The following CNGA3 variants were observed in gnomAD, a reference collection of about 807,000 sequenced individuals.
The protein encoded by CNGA3 is cyclic nucleotide gated channel subunit alpha 3.
CNGA3 carries 42 observed loss-of-function variants against 46.6 expected under a neutral mutation model. The ratio of observed to expected loss-of-function variants is 0.90; its 90% CI spans 0.70 to 1.17. The LOEUF (loss-of-function observed/expected upper bound fraction) is 1.17. Among genes scored for constraint, CNGA3 ranks in the 50% most tolerant of loss-of-function variants. CNGA3 has a pLI of 0.00. For synonymous variants in CNGA3, 394 were observed against 369.4 expected, an observed-to-expected ratio of 1.07 and a Z score of -0.76; for missense variants, 893 against 890.7, an observed-to-expected ratio of 1.00 and a Z score of -0.03.
At chr2:98,349,013 G>A (rs1221262519) in intron 1 of CNGA3, among the ~76,000 whole-genome samples, 1 of 152,182 alleles carries the variant, frequency 6.6e-6, no homozygotes, top group Non-Finnish European at 1.5e-5. Context: ...ATCTCTCTAG[G>A]CAGAAGCAAG....
At position 98,396,784 on chromosome 2, in the gene CNGA3, C is replaced by A. The variant is rs762984332; in HGVS notation, c.1614C>A (p.Phe538Leu). ...TGGCTGATGATGGGGTCACCCAGTT[C>A]GTGGTCCTCAGCGATGGCAGCTACT... Reference protein sequence around the residue: ...AVVADDGVTQFVVLSDGSYFG... With the variant: ...AVVADDGVTQLVVLSDGSYFG... Residue 538 changes from phenylalanine (F) to leucine (L), a missense_variant, in exon 8 of 8, where the codon TTC becomes TTA. Phe to Leu is a conservative substitution (Grantham distance 22). Coordinates refer to ENST00000272602, the MANE Select transcript of CNGA3 (RefSeq NM_001298.3). 2 of 1,614,178 alleles carry A rather than the reference C, an allele frequency of 1.2e-6. No individual in the cohort carries two copies. The highest frequency in any genetic ancestry group is 1.6e-4 in the Middle Eastern group (1 of 6,062).
At chr2:98,370,133 G>A (rs1692253410) in intron 2 of CNGA3, 57 bp downstream of exon 2, 3 of 1,382,784 alleles carry the variant, frequency 2.2e-6, no homozygotes, top group Admixed American at 1.8e-5. Flanking sequence ...CATTTCCACA[G>A]CTGATCTAGA....
intron 5 of CNGA3, among the ~76,000 whole-genome samples, chr2:98,385,301 C>G (rs1482820270): frequency 6.6e-6 from 1 of 152,202 alleles, no homozygotes; most frequent in Non-Finnish European, 1.5e-5. Flanking sequence ...TGAAAAGAGA[C>G]CAGGGTTCAC....
intron 1 of CNGA3, among the ~76,000 whole-genome samples, chr2:98,347,891 A>AG (rs2106064193): frequency 6.6e-6 from 1 of 152,310 alleles, no homozygotes; most frequent in East Asian, 1.9e-4. Context: ...AAAACCAGCA[A>AG]GAATAGTGCT....
At position 98,377,817 on chromosome 2, in the gene CNGA3, A is replaced by G; in HGVS notation, c.215+17A>G. The G allele has an allele frequency of 6.2e-7, 1 of 1,601,684 alleles. No homozygotes were observed. The highest frequency in any genetic ancestry group is 8.5e-7 in the Non-Finnish European group (1 of 1,173,670). On this transcript the variant is annotated intron_variant, in intron 3 of 7. Transcript: ENST00000272602. ...GATCGCCAGGTAACTGACCAGCCTC[A>G]GTCCCTACCTTGGCCTGGGGGACAC...
intron 7 of CNGA3, among the ~76,000 whole-genome samples, chr2:98,394,057 C>T (rs1202308268): frequency 6.6e-6 from 1 of 151,752 alleles, no homozygotes; most frequent in Non-Finnish European, 1.5e-5. Flanking sequence ...CTGGAACTTG[C>T]TAGACTTGCC....
At chr2:98,349,111 G>C (rs575208042) in intron 1 of CNGA3, among the ~76,000 whole-genome samples, 1 of 152,176 alleles carries the variant, frequency 6.6e-6, no homozygotes, top group Non-Finnish European at 1.5e-5. Flanking sequence ...CTTTGCTTAT[G>C]CAATGTCTGA....
intron 7 of CNGA3, among the ~76,000 whole-genome samples, chr2:98,393,332 T>C (rs1379332693): frequency 6.6e-6 from 1 of 152,236 alleles, no homozygotes; most frequent in Admixed American, 6.5e-5. Flanking sequence ...ACAATACATT[T>C]CAAGTGCGTC....
intron 1 of CNGA3, among the ~76,000 whole-genome samples, chr2:98,369,406 G>C (rs1032786119): frequency 5.9e-5 from 9 of 152,220 alleles, no homozygotes; most frequent in African/African-American, 2.2e-4. Context: ...ACCTCACAAA[G>C]TTACTGTAAG....
chr2:98,346,956 C>T (rs1016779272), intron 1 of CNGA3: 3 of 152,272 alleles, frequency 2.0e-5, no homozygotes, highest in African/African-American at 7.2e-5. Flanking sequence ...GCGACCCCAC[C>T]CCATACATTT....
intron 1 of CNGA3, among the ~76,000 whole-genome samples, chr2:98,356,375 G>C (rs1270602391): frequency 2.6e-5 from 4 of 152,090 alleles, no homozygotes; most frequent in African/African-American, 4.8e-5. Flanking sequence ...TAAGATAGAA[G>C]ACCCCAGTGA....
At chr2:98,376,005 T>C (rs750030462) in intron 2 of CNGA3, among the ~76,000 whole-genome samples, 6 of 152,210 alleles carry the variant, frequency 3.9e-5, no homozygotes, top group Admixed American at 1.3e-4. Flanking sequence ...TTGTGTATTT[T>C]GTTTGTGAGT....
chr2:98,353,398 A>T (rs1377574542), intron 1 of CNGA3, among the ~76,000 whole-genome samples: 5 of 152,214 alleles, frequency 3.3e-5, no homozygotes, highest in African/African-American at 1.2e-4. Flanking sequence ...AAAATATGAG[A>T]GGACACTCAA....
chr2:98,352,535 T>G (rs1372710960), intron 1 of CNGA3, among the ~76,000 whole-genome samples: 1 of 152,146 alleles, frequency 6.6e-6, no homozygotes, highest in Non-Finnish European at 1.5e-5. Flanking sequence ...CACATCACAT[T>G]GTGGAAAATG....
intron 3 of CNGA3, chr2:98,378,154 G>A (rs562687977): frequency 6.4e-7 from 1 of 1,550,754 alleles, no homozygotes; most frequent in South Asian, 1.2e-5. Flanking sequence ...GGTGTGCTGA[G>A]GATGGTGGTG....
Position 98,396,213 on chromosome 2 carries a change from T to C in CNGA3, c.1043T>C (p.Leu348Pro). The C allele has an allele frequency of 6.2e-7, 1 of 1,614,076 alleles. No individual in the cohort carries two copies. The highest frequency in any genetic ancestry group is 8.5e-7 in the Non-Finnish European group (1 of 1,180,020). ...ATCTCAATCCCAGAGCATGGGCGCC[T>C]CTCCAGGAAGTACATTTACAGTCTC... ...PNISIPEHGRLSRKYIYSLYW... is the reference protein window; with the variant it reads ...PNISIPEHGRPSRKYIYSLYW... Residue 348 changes from leucine (L) to proline (P), a missense_variant, in exon 8 of 8, where the codon CTC becomes CCC. Leu to Pro is a moderately conservative substitution (Grantham distance 98, BLOSUM62 -3). Coordinates refer to ENST00000272602, the MANE Select transcript of CNGA3 (RefSeq NM_001298.3).
At chr2:98,361,026 T>A (rs948964715) in intron 1 of CNGA3, among the ~76,000 whole-genome samples, 4 of 138,924 alleles carry the variant, frequency 2.9e-5, no homozygotes, top group Admixed American at 7.2e-5. Flanking sequence ...ATTTTATTTA[T>A]TTTATTTTAT....
chr2:98,360,434 G>T (rs1270892636), intron 1 of CNGA3, among the ~76,000 whole-genome samples: 3 of 152,204 alleles, frequency 2.0e-5, no homozygotes, highest in Non-Finnish European at 4.4e-5. Flanking sequence ...GCCTGGAAAT[G>T]TACAAAGAAG....
At chr2:98,359,159 T>C (rs1048902666) in intron 1 of CNGA3, among the ~76,000 whole-genome samples, 2 of 152,192 alleles carry the variant, frequency 1.3e-5, no homozygotes, top group African/African-American at 4.8e-5. Flanking sequence ...AGGAGCCAGG[T>C]AGAAAGTGTC....
Sources: gnomAD v4.1 joint callset for allele counts (sites outside exome capture counted in the v4.1 genomes callset) on GRCh38, gnomAD v4.1.1 for gene constraint, MANE v1.5 for transcripts, NCBI Gene and HGNC (gene_info 2026-07-23, HGNC 2026-07-21) for gene names.